Variants in CYP2R1 observed in about 807,000 individuals in gnomAD.
CYP2R1 encodes the protein vitamin D 25-hydroxylase.
CYP2R1 carries 40 observed loss-of-function variants against 45.7 expected under a neutral mutation model. The observed-to-expected ratio is 0.87, with a 90% CI of 0.68 to 1.14. The LOEUF (loss-of-function observed/expected upper bound fraction) is 1.14. CYP2R1 is among the 50% of genes most tolerant of loss of function. The pLI is 0.00. For missense variants in CYP2R1, 605 were observed against 602.6 expected, an observed-to-expected ratio of 1.00 and a Z score of -0.04; for synonymous variants, 234 against 219.3, an observed-to-expected ratio of 1.07 and a Z score of -0.59.
At chr11:14,886,068 G>A (rs778653093) in intron 1 of CYP2R1, 151 bp from the exon 2 acceptor site, 1 of 737,984 alleles carries the variant, frequency 1.4e-6, no homozygotes, top group Non-Finnish European at 2.3e-6. Flanking sequence ...AATGTTCAGA[G>A]TGCCCTCCTT....
intron 2 of CYP2R1, among the ~76,000 whole-genome samples, chr11:14,881,126 TTTATC>T (rs1848368525): frequency 6.6e-6 from 1 of 152,096 alleles, no homozygotes; most frequent in South Asian, 2.1e-4. Flanking sequence ...TGGACAAAGT[TTTATC>T]TTAGACTAAA....
intron 2 of CYP2R1, among the ~76,000 whole-genome samples, chr11:14,882,228 C>G (rs1359606701): frequency 6.6e-6 from 1 of 152,094 alleles, no homozygotes; most frequent in Admixed American, 6.6e-5. Flanking sequence ...GGTCCCTGCT[C>G]TCACAGAGCT....
Position 14,891,489 on chromosome 11 carries a change from C to A in CYP2R1, c.225+492G>T, listed in dbSNP as rs572996019. 3.9e-5 allele frequency: 39 copies of A among 993,332 alleles called. No homozygotes were observed. In the East Asian group the frequency reaches 4.2e-3, roughly 106 times the overall value. 61.5% of individuals were successfully genotyped at this position (993,332 alleles called of 1,614,324 possible). A position where few individuals can be genotyped will look rare whatever the true frequency, so the allele number is the denominator to read the frequency against. ...CTGCATTCTCCATTCTCACAGCAAACGCCTACACCAGTCGTTCGTCGACTG... is the reference window on the plus strand; with the variant it reads ...CTGCATTCTCCATTCTCACAGCAAAAGCCTACACCAGTCGTTCGTCGACTG... On this transcript the variant is annotated intron_variant, in intron 1 of 4. Transcript: ENST00000334636.
chr11:14,879,645 A>G (rs1398925984), intron 3 of CYP2R1, among the ~76,000 whole-genome samples: 2 of 152,006 alleles, frequency 1.3e-5, no homozygotes, highest in Non-Finnish European at 2.9e-5. Context: ...TGCTCTGATA[A>G]CCTATAACAA....
At position 14,880,709 on chromosome 11, in the gene CYP2R1, T is replaced by C. The variant is rs202199452; in HGVS notation, c.427A>G (p.Ser143Gly). 4.0e-5 allele frequency: 64 copies of C among 1,597,678 alleles called. No individual in the cohort carries two copies. The highest frequency in any genetic ancestry group is 5.4e-5 in the Non-Finnish European group (63 of 1,175,606). The change falls in exon 3 of 5, where the codon AGT becomes GGT. Residue 143 changes from serine to glycine, a missense_variant. By Grantham distance (56) the Ser-to-Gly change is moderately conservative. Transcript: ENST00000334636. ...WVDHRRLAVN[S>G]FRYFGYGQKS... ...TGGCCATATCCAAAATATCGAAAAC[T>C]GTTTACAGCTAATCGTCTGTGATCA...
rs1848274857 is a variant in CYP2R1 at position 14,879,219 on chromosome 11, A to T, written c.1225T>A (p.Phe409Ile). The T allele has an allele frequency of 1.2e-6, 2 of 1,613,224 alleles. No homozygotes were observed. Among genetic ancestry groups the T allele is most frequent in the African/African-American group, 2.7e-5 (2 of 74,896 alleles). ...TVITNLYSVHFDEKYWRDPEV... is the reference protein window; with the variant it reads ...TVITNLYSVHIDEKYWRDPEV... ...GGGTCTCTCCAGTACTTTTCATCAA[A>T]GTGTACAGAATAAAGATTTGTAATT... Residue 409 changes from phenylalanine to isoleucine, a missense_variant, in exon 4 of 5, where the codon TTT (phenylalanine) becomes ATT (isoleucine). Transcript: ENST00000334636.
intron 1 of CYP2R1, chr11:14,891,576 G>A: frequency 9.7e-7 from 1 of 1,033,574 alleles, no homozygotes; most frequent in Non-Finnish European, 1.2e-6. Context: ...TTTCCGACAA[G>A]CCGCGTGCAG....
At chr11:14,882,198 C>G (rs1211321088) in intron 2 of CYP2R1, among the ~76,000 whole-genome samples, 2 of 152,048 alleles carry the variant, frequency 1.3e-5, no homozygotes, top group African/African-American at 2.4e-5. Context: ...AGGAATGTAT[C>G]AGGGAACAAA....
Position 14,878,246 on chromosome 11 carries a change from A to C in CYP2R1, c.1382T>G (p.Phe461Cys). The change falls in exon 5 of 5, where the codon TTT (phenylalanine) becomes TGT (cysteine). Residue 461 changes from phenylalanine (F) to cysteine (C), a missense_variant. By Grantham distance (205) the Phe-to-Cys change is radical. Coordinates refer to ENST00000334636, the MANE Select transcript of CYP2R1 (RefSeq NM_024514.5). ...AAACCTCTGAAGCAATGCTGTAAAA[A>C]ACAAGAACATTTCCATCCGAGCCAA... ...EHLARMEMFL[F>C]FTALLQRFHL... 6.2e-7 allele frequency: 1 copy of C among 1,613,246 alleles called. No homozygotes were observed. Among genetic ancestry groups the C allele is most frequent in the South Asian group, 1.1e-5 (1 of 91,046 alleles).
upstream of CYP2R1, chr11:14,892,258 C>T (rs1208883906): frequency 1.3e-6 from 2 of 1,530,204 alleles, no homozygotes; most frequent in African/African-American, 2.7e-5. Context: ...CCAGGCACTC[C>T]CTCCAGCCCT....
intron 1 of CYP2R1, 127 bp downstream of exon 1, chr11:14,891,854 G>T (rs1218158241): frequency 7.1e-7 from 1 of 1,410,778 alleles, no homozygotes; most frequent in Non-Finnish European, 9.4e-7. Flanking sequence ...TCCCTCAAAG[G>T]GCAGCCGGCA....
At chr11:14,884,625 T>C (rs1590222879) in intron 2 of CYP2R1, among the ~76,000 whole-genome samples, 1 of 151,948 alleles carries the variant, frequency 6.6e-6, no homozygotes, top group South Asian at 2.1e-4. Flanking sequence ...GGCACATGTA[T>C]ACATATGTAA....
At chr11:14,883,773 G>A (rs1327991052) in intron 2 of CYP2R1, among the ~76,000 whole-genome samples, 4 of 152,060 alleles carry the variant, frequency 2.6e-5, no homozygotes, top group South Asian at 4.1e-4. Flanking sequence ...GAAAATTTTT[G>A]CAACCTACTC....
chr11:14,885,402 C>T (rs1179100798), intron 2 of CYP2R1, among the ~76,000 whole-genome samples: 3 of 152,080 alleles, frequency 2.0e-5, no homozygotes, highest in African/African-American at 4.8e-5. Flanking sequence ...GTTCTGTAAG[C>T]TTATAAGTAA....
At position 14,879,115 on chromosome 11, in the gene CYP2R1, T is replaced by C. The variant is rs138472351; in HGVS notation, c.1329A>G (p.Leu443=). 1.2e-6 allele frequency: 2 copies of C among 1,612,628 alleles called. No homozygotes were observed. The highest frequency in any genetic ancestry group is 1.7e-6 in the Non-Finnish European group (2 of 1,179,034). Residue 443 remains leucine (L), a splice_region_variant and synonymous_variant, in exon 4 of 5, where the codon CTA becomes CTG. Coordinates refer to ENST00000334636, the MANE Select transcript of CYP2R1 (RefSeq NM_024514.5). The part of the protein sequence containing the change: ...AKKEALVPFS[L]GRRHCLGEHL... ...TACGCCCCGTGAAAGTTCTCTTACCTAGGGAAAAAGGAACCAAAGCTTCCT... is the reference window on the plus strand; with the variant it reads ...TACGCCCCGTGAAAGTTCTCTTACCCAGGGAAAAAGGAACCAAAGCTTCCT...
intron 1 of CYP2R1, chr11:14,887,498 G>T: frequency 2.7e-6 from 2 of 746,580 alleles, no homozygotes; most frequent in Non-Finnish European, 3.3e-6. Context: ...TCCTTAAACT[G>T]CTTTGATCTA....
chr11:14,878,858 A>G (rs1314814644), intron 4 of CYP2R1, among the ~76,000 whole-genome samples: 1 of 152,060 alleles, frequency 6.6e-6, no homozygotes, highest in East Asian at 1.9e-4. Flanking sequence ...TCATTCCACA[A>G]GTTTTGAAAA....
intron 2 of CYP2R1, among the ~76,000 whole-genome samples, chr11:14,883,113 G>A (rs2134042309): frequency 6.6e-6 from 1 of 152,132 alleles, no homozygotes; most frequent in South Asian, 2.1e-4. Flanking sequence ...ACTGCCCAAG[G>A]TAATTTATAG....
chr11:14,878,357 G>T, intron 4 of CYP2R1, 60 bp from the exon 5 acceptor site: 1 of 1,499,866 alleles, frequency 6.7e-7, no homozygotes, highest in Non-Finnish European at 9.2e-7. Flanking sequence ...CAAAATTAAT[G>T]TCTAATATTT....
Sources: gnomAD v4.1 joint callset for allele counts (sites outside exome capture counted in the v4.1 genomes callset) on GRCh38, gnomAD v4.1.1 for gene constraint, MANE v1.5 for transcripts, NCBI Gene and HGNC (gene_info 2026-07-23, HGNC 2026-07-21) for gene names.